The following SAMD5 variants were observed in gnomAD, a reference collection of about 807,000 sequenced individuals.
SAMD5 encodes sterile alpha motif domain containing 5.
SAMD5 carries 13 observed loss-of-function variants against 11.3 expected under a neutral mutation model. The observed-to-expected ratio is 1.15, with a 90% CI of 0.75 to 1.83. SAMD5 has a LOEUF of 1.83. Ranked by LOEUF, SAMD5 falls within the 40% of genes most tolerant of loss-of-function variation. The probability of loss-of-function intolerance (pLI) is 0.00; values close to 1 mark genes in which losing one functional copy is unlikely to be tolerated. For missense variants in SAMD5, 255 were observed against 239.1 expected (o/e 1.07, Z -0.44); for synonymous variants, 129 against 111.3 (o/e 1.16, Z -1.00).
chr6:147,730,698 G>A (rs768764951), intron 1 of SAMD5, among the ~76,000 whole-genome samples: 1 of 152,148 alleles, frequency 6.6e-6, no homozygotes, highest in Non-Finnish European at 1.5e-5. Flanking sequence ...TCCGAGAACT[G>A]AGCCCTAAGA....
intron 1 of SAMD5, among the ~76,000 whole-genome samples, chr6:147,606,898 TAG>T (rs1789709667): frequency 2.0e-5 from 3 of 148,026 alleles, no homozygotes; most frequent in African/African-American, 7.6e-5. Flanking sequence ...CTATTACACA[TAG>T]TTAAAGGAGG....
chr6:147,743,826 T>G, the SAMD5 span, among the ~76,000 whole-genome samples: 1 of 152,234 alleles, frequency 6.6e-6, no homozygotes, highest in Non-Finnish European at 1.5e-5. Flanking sequence ...TATTCATAAC[T>G]GAATGCTGGA....
At chr6:147,947,722 G>A in the SAMD5 span, among the ~76,000 whole-genome samples, 50 of 152,134 alleles carry the variant, frequency 3.3e-4, no homozygotes, top group Admixed American at 5.2e-4. Context: ...TTTGTTCTTC[G>A]GTCTGGAAAA....
intron 1 of SAMD5, among the ~76,000 whole-genome samples, chr6:147,519,402 C>T (rs1362718567): frequency 6.6e-6 from 1 of 152,068 alleles, no homozygotes; most frequent in Non-Finnish European, 1.5e-5. Context: ...CACAGGAATA[C>T]CTTTTAAAGT....
At chr6:147,737,959 T>C (rs1373837866), downstream of SAMD5, among the ~76,000 whole-genome samples, 1 of 152,140 alleles carries the variant, frequency 6.6e-6, no homozygotes, top group Admixed American at 6.6e-5. Flanking sequence ...GGGGTTATGA[T>C]ATGATCAAAA....
At chr6:147,721,524 TTG>T (rs1791552253) in intron 1 of SAMD5, among the ~76,000 whole-genome samples, 1 of 152,266 alleles carries the variant, frequency 6.6e-6, no homozygotes, top group Non-Finnish European at 1.5e-5. Context: ...TTCATATCCT[TTG>T]CCCACTTTTT....
chr6:147,787,886 G>T, the SAMD5 span, among the ~76,000 whole-genome samples: 1 of 152,172 alleles, frequency 6.6e-6, no homozygotes, highest in Non-Finnish European at 1.5e-5. Context: ...GCTCCGTAGC[G>T]CCAAGGCTCA....
At chr6:147,830,762 C>T in the SAMD5 span, among the ~76,000 whole-genome samples, 2 of 152,142 alleles carry the variant, frequency 1.3e-5, no homozygotes, top group Non-Finnish European at 2.9e-5. Flanking sequence ...GAATGAGCTG[C>T]ATTTATTTTT....
the SAMD5 span, among the ~76,000 whole-genome samples, chr6:147,745,844 A>G: frequency 6.6e-6 from 1 of 151,070 alleles, no homozygotes; most frequent in Non-Finnish European, 1.5e-5. Context: ...GGTGATGGGA[A>G]CAAGGCTTAC....
At chr6:147,925,592 A>G in the SAMD5 span, among the ~76,000 whole-genome samples, 4 of 151,860 alleles carry the variant, frequency 2.6e-5, no homozygotes, top group Admixed American at 1.3e-4. Flanking sequence ...TAATAGTTAC[A>G]TAATATTAAG....
At chr6:147,663,927 C>T (rs6916798) in intron 1 of SAMD5, among the ~76,000 whole-genome samples, 119,505 of 145,516 alleles carry the variant, frequency 0.82, 51,726 homozygotes, top group South Asian at 0.96. Flanking sequence ...TTTTAGAAAT[C>T]TGCTTTTTAG....
intron 1 of SAMD5, among the ~76,000 whole-genome samples, chr6:147,659,644 A>G (rs546051300): frequency 4.3e-4 from 65 of 152,344 alleles, no homozygotes; most frequent in Non-Finnish European, 8.7e-4. Flanking sequence ...TATTCCGTTT[A>G]GGAATTTCTG....
chr6:147,792,894 T>C, the SAMD5 span, among the ~76,000 whole-genome samples: 1 of 152,132 alleles, frequency 6.6e-6, no homozygotes, highest in Admixed American at 6.5e-5. Flanking sequence ...AATTACAAAA[T>C]AAATATTTGT....
chr6:147,897,717 G>A, the SAMD5 span, among the ~76,000 whole-genome samples: 1 of 152,052 alleles, frequency 6.6e-6, no homozygotes, highest in Non-Finnish European at 1.5e-5. Context: ...AGCCAAGGCG[G>A]GTGGATCACT....
chr6:147,951,770 A>T, the SAMD5 span, among the ~76,000 whole-genome samples: 1 of 152,332 alleles, frequency 6.6e-6, no homozygotes, highest in South Asian at 2.1e-4. Context: ...ACAGTCCCAA[A>T]GTGATTTCGG....
chr6:147,789,044 A>G, the SAMD5 span, among the ~76,000 whole-genome samples: 1 of 151,074 alleles, frequency 6.6e-6, no homozygotes, highest in Non-Finnish European at 1.5e-5. Flanking sequence ...AGATCACGCC[A>G]CTGCACTCCA....
At chr6:147,793,297 G>A in the SAMD5 span, among the ~76,000 whole-genome samples, 15 of 152,222 alleles carry the variant, frequency 9.9e-5, no homozygotes, top group African/African-American at 3.1e-4. Context: ...ACTGAGGGAC[G>A]TTCTACAAAA....
At chr6:147,888,252 A>C in the SAMD5 span, among the ~76,000 whole-genome samples, 1 of 152,206 alleles carries the variant, frequency 6.6e-6, no homozygotes, top group South Asian at 2.1e-4. Context: ...TTTCTCCAGT[A>C]ATCTTTATAA....
chr6:147,528,172 A>G (rs2128440846), intron 1 of SAMD5, among the ~76,000 whole-genome samples: 1 of 152,304 alleles, frequency 6.6e-6, no homozygotes. Context: ...CACAGATCCA[A>G]ACCGTATCAC....
Sources: gnomAD v4.1 joint callset for allele counts (sites outside exome capture counted in the v4.1 genomes callset) on GRCh38, gnomAD v4.1.1 for gene constraint, MANE v1.5 for transcripts, NCBI Gene and HGNC (gene_info 2026-07-23, HGNC 2026-07-21) for gene names.